CTIF: variants seen among roughly 807,000 people sequenced by gnomAD.
CTIF encodes the protein cap binding complex dependent translation initiation factor.
In CTIF, 21 loss-of-function variants were observed where a neutral mutation model predicts 66.0. That is an observed-to-expected ratio of 0.32 (90% CI 0.23 to 0.46). CTIF has a LOEUF of 0.46. CTIF is among the 20% of genes least tolerant of loss of function. CTIF has a pLI of 1.00. For missense variants in CTIF, 739 were observed against 812.7 expected, an observed-to-expected ratio of 0.91 and a Z score of 1.10; for synonymous variants, 345 against 326.4, an observed-to-expected ratio of 1.06 and a Z score of -0.62.
chr18:48,572,064 C>T (rs1405924212), intron 1 of CTIF, among the ~76,000 whole-genome samples: 1 of 151,394 alleles, frequency 6.6e-6, no homozygotes, highest in Non-Finnish European at 1.5e-5. Flanking sequence ...CTTCTCCTTC[C>T]CCCTCACCGT....
intron 1 of CTIF, among the ~76,000 whole-genome samples, chr18:48,603,570 G>A (rs1205001086): frequency 2.0e-5 from 3 of 149,080 alleles, no homozygotes; most frequent in Admixed American, 1.3e-4. Context: ...TAAATGGGGG[G>A]GTGGATGGCT....
chr18:48,683,601 C>T (rs536456598), intron 6 of CTIF, among the ~76,000 whole-genome samples: 2 of 152,128 alleles, frequency 1.3e-5, no homozygotes, highest in Middle Eastern at 3.4e-3. Flanking sequence ...TCCAAAGACC[C>T]TCTTTGTTCC....
chr18:48,586,523 G>C (rs958578759), intron 1 of CTIF, among the ~76,000 whole-genome samples: 1 of 151,654 alleles, frequency 6.6e-6, no homozygotes, highest in Non-Finnish European at 1.5e-5. Context: ...TGCCCACCTC[G>C]GCCTCCCAAA....
intron 10 of CTIF, among the ~76,000 whole-genome samples, chr18:48,835,966 C>T (rs1471119916): frequency 1.3e-5 from 2 of 152,160 alleles, no homozygotes; most frequent in African/African-American, 4.8e-5. Flanking sequence ...GTCATTCTAC[C>T]CCTCTGCCCC....
chr18:48,713,076 G>A (rs1335576051), intron 7 of CTIF, among the ~76,000 whole-genome samples: 4 of 152,208 alleles, frequency 2.6e-5, no homozygotes, highest in Admixed American at 2.0e-4. Context: ...CGCATCGTGT[G>A]TGCTGCCTTT....
intron 9 of CTIF, among the ~76,000 whole-genome samples, chr18:48,784,329 G>T (rs184806872): frequency 2.8e-4 from 42 of 152,358 alleles, no homozygotes; most frequent in Admixed American, 1.8e-3. Context: ...TTGTCTAGGC[G>T]AATACAGGAG....
At chr18:48,554,082 T>C (rs887805178) in intron 1 of CTIF, among the ~76,000 whole-genome samples, 8 of 152,196 alleles carry the variant, frequency 5.3e-5, no homozygotes, top group African/African-American at 1.9e-4. Context: ...CACACCCAGC[T>C]GCTGTGGTGG....
chr18:48,679,043 T>C (rs1057187954), intron 6 of CTIF, among the ~76,000 whole-genome samples: 22 of 152,334 alleles, frequency 1.4e-4, no homozygotes, highest in African/African-American at 5.3e-4. Flanking sequence ...ATATTGACTC[T>C]CTGGCTTTTT....
At chr18:48,663,912 C>A in intron 4 of CTIF, 87 bp downstream of exon 4, 1 of 1,217,802 alleles carries the variant, frequency 8.2e-7, no homozygotes, top group Non-Finnish European at 1.2e-6. Context: ...GCTGATGGTT[C>A]ATGAGCAAGA....
chr18:48,568,717 C>T (rs919440990), intron 1 of CTIF, among the ~76,000 whole-genome samples: 4 of 138,890 alleles, frequency 2.9e-5, no homozygotes, highest in Admixed American at 7.6e-5. Context: ...GCCTCACAAT[C>T]GTGGCAGAAG....
chr18:48,699,175 C>T (rs2145360417), intron 6 of CTIF, among the ~76,000 whole-genome samples: 1 of 152,328 alleles, frequency 6.6e-6, no homozygotes, highest in East Asian at 1.9e-4. Context: ...TAGTCAGACC[C>T]AGTGTCTCAG....
intron 9 of CTIF, among the ~76,000 whole-genome samples, chr18:48,783,927 C>T (rs938507099): frequency 1.3e-5 from 2 of 152,196 alleles, no homozygotes; most frequent in Admixed American, 1.3e-4. Flanking sequence ...GTTACCCACA[C>T]GGGCCACCAA....
At chr18:48,713,985 G>T (rs1427880953) in intron 7 of CTIF, among the ~76,000 whole-genome samples, 1 of 152,026 alleles carries the variant, frequency 6.6e-6, no homozygotes, top group Non-Finnish European at 1.5e-5. Flanking sequence ...TGGAGCTGTC[G>T]TGGAGTCCTC....
intron 9 of CTIF, among the ~76,000 whole-genome samples, chr18:48,811,261 G>T (rs1252783777): frequency 6.6e-6 from 1 of 151,996 alleles, no homozygotes; most frequent in Admixed American, 6.5e-5. Context: ...AAATTATAAT[G>T]ACTTATTTTA....
At chr18:48,695,526 G>T (rs1268441304) in intron 6 of CTIF, among the ~76,000 whole-genome samples, 1 of 152,160 alleles carries the variant, frequency 6.6e-6, no homozygotes, top group Non-Finnish European at 1.5e-5. Context: ...AGAGAACTGA[G>T]GTGCCACCCT....
intron 1 of CTIF, among the ~76,000 whole-genome samples, chr18:48,573,697 A>C (rs2089469922): frequency 6.6e-6 from 1 of 152,200 alleles, no homozygotes; most frequent in Non-Finnish European, 1.5e-5. Flanking sequence ...CTCCAGGTTG[A>C]CACATGGTGG....
At chr18:48,591,104 C>T (rs570962076) in intron 1 of CTIF, among the ~76,000 whole-genome samples, 3 of 152,348 alleles carry the variant, frequency 2.0e-5, no homozygotes, top group East Asian at 1.9e-4. Context: ...GCTCCTAGCA[C>T]GTCTCAGCTC....
chr18:48,763,600 G>A (rs991498838), intron 9 of CTIF, among the ~76,000 whole-genome samples: 1 of 152,224 alleles, frequency 6.6e-6, no homozygotes, highest in South Asian at 2.1e-4. Flanking sequence ...AGACAGTTTG[G>A]CAAACACTAC....
rs893127973 is a variant in CTIF, at chr18:48,730,691, C to T, written c.584+18996C>T. Among the ~76,000 whole-genome samples, 148 of 111,604 alleles carry T rather than the reference C, an allele frequency of 1.3e-3. 19 individuals are homozygous for T. In the East Asian group the frequency reaches 0.016, roughly 12 times the overall value. The allele number at this position is 111,604 out of a possible 152,430, so 73.2% of individuals were successfully genotyped here. A position where few individuals can be genotyped will look rare whatever the true frequency, so the allele number is the denominator to read the frequency against. Reference sequence around the variant, plus strand: ...GAGGGGCTTCTGCGGTGTGAGGAGCCCCTGAGGTGTGAGGGGCTTCCGCGG... The same window carrying T: ...GAGGGGCTTCTGCGGTGTGAGGAGCTCCTGAGGTGTGAGGGGCTTCCGCGG... On this transcript the variant is annotated intron_variant, in intron 7 of 11. Coordinates refer to ENST00000256413, the MANE Select transcript of CTIF (RefSeq NM_014772.3).
Sources: allele counts gnomAD v4.1 joint callset (sites outside exome capture counted in the v4.1 genomes callset), GRCh38; gene constraint gnomAD v4.1.1; transcripts MANE v1.5; gene names NCBI Gene and HGNC (gene_info 2026-07-23, HGNC 2026-07-21).